The following RASSF3 variants were observed in gnomAD, a reference collection of about 807,000 sequenced individuals.
The protein encoded by RASSF3 is ras association domain-containing protein 3.
Under a neutral mutation model 19.9 loss-of-function variants are expected in RASSF3, and 19 were observed. The ratio of observed to expected loss-of-function variants is 0.96; its 90% CI spans 0.67 to 1.40. The LOEUF (loss-of-function observed/expected upper bound fraction) is 1.40. RASSF3 is among the 40% of genes most tolerant of loss of function. The probability of loss-of-function intolerance (pLI) is 0.00; values close to 1 mark genes in which losing one functional copy is unlikely to be tolerated. For synonymous variants in RASSF3, 110 were observed against 104.2 expected, an observed-to-expected ratio of 1.06 and a Z score of -0.34; for missense variants, 306 against 289.8, an observed-to-expected ratio of 1.06 and a Z score of -0.41.
At chr12:64,691,967 C>T (rs2136225433) in intron 4 of RASSF3, among the ~76,000 whole-genome samples, 1 of 152,284 alleles carries the variant, frequency 6.6e-6, no homozygotes, top group South Asian at 2.1e-4. Context: ...CAAAAGTCTC[C>T]AGGCTAATTC....
At chr12:64,628,841 C>T (rs979011887) in intron 1 of RASSF3, among the ~76,000 whole-genome samples, 6 of 151,930 alleles carry the variant, frequency 3.9e-5, no homozygotes, top group Non-Finnish European at 8.8e-5. Context: ...TTTATTCCAG[C>T]CTACACATAG....
chr12:64,540,062 G>T (rs1462183274), intron 1 of RASSF3, among the ~76,000 whole-genome samples: 1 of 152,008 alleles, frequency 6.6e-6, no homozygotes, highest in Non-Finnish European at 1.5e-5. Flanking sequence ...CATTGCCATT[G>T]CTTCTCTCCT....
At chr12:64,519,668 G>C (rs1297303908) in intron 1 of RASSF3, among the ~76,000 whole-genome samples, 2 of 151,924 alleles carry the variant, frequency 1.3e-5, no homozygotes, top group Non-Finnish European at 2.9e-5. Flanking sequence ...GTCCCAACCT[G>C]AAGTTGGGAC....
intron 1 of RASSF3, among the ~76,000 whole-genome samples, chr12:64,620,659 A>T (rs1459703568): frequency 6.6e-6 from 1 of 152,136 alleles, no homozygotes; most frequent in South Asian, 2.1e-4. Context: ...GGAGGTTTCT[A>T]ATTTTTGCTA....
chr12:64,520,553 CACATATATATATATAT>C (rs1434063308), intron 1 of RASSF3, among the ~76,000 whole-genome samples: 103 of 30,464 alleles, frequency 3.4e-3, no homozygotes, highest in Non-Finnish European at 1.3e-3. Flanking sequence ...CACACATACA[CACATATATATATATAT>C]ATATATATAT....
intron 1 of RASSF3, among the ~76,000 whole-genome samples, chr12:64,632,363 G>A (rs1462615956): frequency 1.3e-5 from 2 of 152,110 alleles, no homozygotes; most frequent in Non-Finnish European, 2.9e-5. Flanking sequence ...GTAAGGAGGA[G>A]CCACTTAGGG....
At chr12:64,647,210 A>G (rs952813776) in intron 1 of RASSF3, among the ~76,000 whole-genome samples, 4 of 151,986 alleles carry the variant, frequency 2.6e-5, no homozygotes, top group African/African-American at 4.8e-5. Context: ...AATGAAACCC[A>G]TAGTTGTTTT....
intron 1 of RASSF3, among the ~76,000 whole-genome samples, chr12:64,648,511 C>T (rs1164293647): frequency 6.6e-6 from 1 of 151,752 alleles, no homozygotes; most frequent in Non-Finnish European, 1.5e-5. Context: ...GTCAGAATCA[C>T]TCATAAAGCT....
chr12:64,668,841 C>T (rs1005658375), intron 1 of RASSF3, among the ~76,000 whole-genome samples: 1 of 151,578 alleles, frequency 6.6e-6, no homozygotes, highest in African/African-American at 2.4e-5. Context: ...GCCACCGCAC[C>T]CAGCTAATTT....
chr12:64,566,608 T>C (rs1487334604), intron 2 of RASSF3, among the ~76,000 whole-genome samples: 1 of 152,116 alleles, frequency 6.6e-6, no homozygotes, highest in African/African-American at 2.4e-5. Flanking sequence ...GAGACGGTAA[T>C]GAATAAATCC....
At chr12:64,513,032 T>C (rs1159483676) in intron 1 of RASSF3, among the ~76,000 whole-genome samples, 1 of 152,060 alleles carries the variant, frequency 6.6e-6, no homozygotes, top group Non-Finnish European at 1.5e-5. Context: ...GTGAAATGTA[T>C]AAACAGAAGC....
chr12:64,558,656 C>A (rs1869295156), intron 2 of RASSF3, among the ~76,000 whole-genome samples: 1 of 152,182 alleles, frequency 6.6e-6, no homozygotes, highest in Non-Finnish European at 1.5e-5. Context: ...ATTCCCCTTT[C>A]TCTATTTTAT....
upstream of RASSF3, among the ~76,000 whole-genome samples, chr12:64,531,965 C>T (rs1460131478): frequency 6.6e-6 from 1 of 152,236 alleles, no homozygotes; most frequent in Non-Finnish European, 1.5e-5. Context: ...CTCTCCTCTG[C>T]CTCAGGACAC....
chr12:64,559,446 T>A (rs1257983184), intron 2 of RASSF3, among the ~76,000 whole-genome samples: 2 of 151,398 alleles, frequency 1.3e-5, no homozygotes, highest in African/African-American at 4.9e-5. Context: ...TGTTGTTGTA[T>A]TTTTAGTAGA....
At chr12:64,552,848 C>T (rs970470241) in intron 2 of RASSF3, among the ~76,000 whole-genome samples, 3 of 151,844 alleles carry the variant, frequency 2.0e-5, no homozygotes, top group African/African-American at 7.3e-5. Context: ...TGGAGTTTCG[C>T]TCTTGTCACC....
At position 64,564,967 on chromosome 12, in the gene RASSF3, G is replaced by C. The variant is rs533159396; in HGVS notation, c.294+23262G>C. On this transcript the variant is annotated intron_variant, in intron 2 of 5. Transcript: ENST00000637125. ...AGCTATTGTTTGTATTTTTAGTAGA[G>C]ACAGGGTTTTACCATGTTGGCCAGG... is the stretch of plus-strand genomic sequence containing the variant. Among the ~76,000 whole-genome samples, 14 of 151,458 alleles carry C rather than the reference G, an allele frequency of 9.2e-5. No individual in the cohort carries two copies. The East Asian group carries it at 2.0e-3, about 21-fold the overall frequency.
chr12:64,544,454 A>T (rs937911872), downstream of RASSF3, among the ~76,000 whole-genome samples: 6 of 152,128 alleles, frequency 3.9e-5, no homozygotes, highest in Non-Finnish European at 5.9e-5. Context: ...AGTCCCTGAG[A>T]CCAAGAACCC....
intron 1 of RASSF3, among the ~76,000 whole-genome samples, chr12:64,637,617 A>G (rs1871367948): frequency 6.6e-6 from 1 of 150,916 alleles, no homozygotes; most frequent in African/African-American, 2.4e-5. Flanking sequence ...TTTAGTAGAG[A>G]CAGGGTTTCA....
At chr12:64,559,246 CTTT>C (rs56100965) in intron 2 of RASSF3, among the ~76,000 whole-genome samples, 10 of 140,772 alleles carry the variant, frequency 7.1e-5, no homozygotes, top group Admixed American at 4.3e-4. Flanking sequence ...TTCTTTTTTT[CTTT>C]TTTTTTTTTT....
Sources: allele counts gnomAD v4.1 joint callset (sites outside exome capture counted in the v4.1 genomes callset), GRCh38; gene constraint gnomAD v4.1.1; transcripts MANE v1.5; gene names NCBI Gene and HGNC (gene_info 2026-07-23, HGNC 2026-07-21).